RNF213: variants seen among roughly 807,000 people sequenced by gnomAD.
RNF213 encodes the protein E3 ubiquitin-protein ligase RNF213.
RNF213 carries 341 observed loss-of-function variants against 514.4 expected under a neutral mutation model. The observed-to-expected ratio is 0.66, with a 90% CI of 0.61 to 0.73. The LOEUF (loss-of-function observed/expected upper bound fraction) is 0.73. Among genes scored for constraint, RNF213 ranks in the 30% least tolerant of loss-of-function variants. The pLI, the probability that RNF213 is intolerant of heterozygous loss-of-function variation, is 0.00. For missense variants in RNF213, 5,767 were observed against 6,615.6 expected, an observed-to-expected ratio of 0.87 and a Z score of 4.45; for synonymous variants, 2,655 against 2,658.2, an observed-to-expected ratio of 1.00 and a Z score of 0.04.
intron 38 of RNF213, among the ~76,000 whole-genome samples, chr17:80,361,018 C>G (rs2079036159): frequency 6.6e-6 from 1 of 152,116 alleles, no homozygotes; most frequent in Non-Finnish European, 1.5e-5. Flanking sequence ...GGCTTGCATG[C>G]TCTGTGACCC....
intron 3 of RNF213, among the ~76,000 whole-genome samples, chr17:80,277,573 G>T (rs968001114): frequency 1.4e-5 from 2 of 144,952 alleles, no homozygotes; most frequent in Non-Finnish European, 3.0e-5. Context: ...ACTCCAGCCT[G>T]GGCGACAGTG....
At chr17:80,309,917 G>A (rs151239822) in intron 14 of RNF213, among the ~76,000 whole-genome samples, 138 of 151,852 alleles carry the variant, frequency 9.1e-4, no homozygotes, top group African/African-American at 3.2e-3. Context: ...CACCACGCCT[G>A]GCTAATTTTT....
In RNF213 at chr17:80,372,501, T is replaced by C; in HGVS notation, c.12538-20T>C. 1 of 1,584,748 alleles carries C rather than the reference T, an allele frequency of 6.3e-7. No individual in the cohort carries two copies. Among genetic ancestry groups the C allele is most frequent in the Non-Finnish European group, 8.7e-7 (1 of 1,155,590 alleles). ...TTTAAAAAAATAATATCCTTTTCTT[T>C]CTTGTTCCTTGTTCCTCAGGATTCA... On this transcript the variant is annotated intron_variant, in intron 47 of 67. Coordinates refer to ENST00000582970, the MANE Select transcript of RNF213 (RefSeq NM_001256071.3).
intron 46 of RNF213, among the ~76,000 whole-genome samples, chr17:80,370,685 G>A (rs771213224): frequency 2.2e-4 from 34 of 152,178 alleles, no homozygotes; most frequent in Admixed American, 5.2e-4. Context: ...ACTACACACC[G>A]GAGTAGACAG....
intron 10 of RNF213, 99 bp from the exon 11 acceptor site, chr17:80,298,222 C>T: frequency 8.0e-7 from 1 of 1,251,972 alleles, no homozygotes; most frequent in Admixed American, 1.9e-5. Context: ...TCCTCTTGCT[C>T]TGTGTGCACG....
chr17:80,353,435 G>C lies in RNF213; in HGVS notation c.10424-77G>C. On this transcript the variant is annotated intron_variant, in intron 33 of 67. Coordinates refer to ENST00000582970, the MANE Select transcript of RNF213 (RefSeq NM_001256071.3). The surrounding 1 kb of genome is among the most constrained non-coding windows in gnomAD (Gnocchi z 5.0). ...CCTGCACTCGGAGGCTGAGCACACA[G>C]ACTCCCAGATGGCACCGCTGCCAGT... 2 of 1,504,806 alleles carry C rather than the reference G, an allele frequency of 1.3e-6. No individual in the cohort carries two copies. Among genetic ancestry groups the C allele is most frequent in the Non-Finnish European group, 1.8e-6 (2 of 1,104,268 alleles). The allele number at this position is 1,504,806 out of a possible 1,614,324, so 93.2% of individuals were successfully genotyped here.
chr17:80,338,397 A>G (rs1354311655), intron 25 of RNF213, among the ~76,000 whole-genome samples: 1 of 152,200 alleles, frequency 6.6e-6, no homozygotes, highest in African/African-American at 2.4e-5. Context: ...AACAGAAGTA[A>G]TCATATTGAG....
intron 67 of RNF213, 115 bp from the exon 68 acceptor site, chr17:80,393,230 C>G (rs2080555031): frequency 5.7e-6 from 6 of 1,057,134 alleles, no homozygotes; most frequent in Non-Finnish European, 7.2e-6. Flanking sequence ...ACCCACCCAC[C>G]TCAGCCTCCC....
chr17:80,367,914 T>C, intron 43 of RNF213, 47 bp from the exon 44 acceptor site: 3 of 1,613,944 alleles, frequency 1.9e-6, no homozygotes, highest in Non-Finnish European at 2.5e-6. Flanking sequence ...TCACTTCTTC[T>C]GGCCAGTTTC....
chr17:80,357,399 C>T (rs961072657), intron 36 of RNF213, among the ~76,000 whole-genome samples: 51 of 152,174 alleles, frequency 3.4e-4, no homozygotes, highest in Non-Finnish European at 2.8e-4. Flanking sequence ...ATCTGTCCGT[C>T]CGCCCATCTA....
intron 56 of RNF213, 114 bp downstream of exon 56, chr17:80,381,101 T>C (rs544599369): frequency 9.1e-7 from 1 of 1,098,268 alleles, no homozygotes; most frequent in African/African-American, 1.5e-5. Flanking sequence ...TGGAGATAAT[T>C]AGTCTACAAA....
rs1291934547 is a variant in RNF213 at position 80,393,539 on chromosome 17, G to T, written c.*41G>T. On this transcript the variant is annotated 3_prime_UTR_variant, in exon 68 of 68. Transcript: ENST00000582970. ...TATCTTTGGATGACTTTGGAGAGAA[G>T]ACTCCTCTCTCCTCGTCTGCGGCGT... The T allele has an allele frequency of 1.2e-6, 2 of 1,606,306 alleles. No individual in the cohort carries two copies. Among genetic ancestry groups the T allele is most frequent in the Non-Finnish European group, 1.7e-6 (2 of 1,174,412 alleles).
intron 39 of RNF213, among the ~76,000 whole-genome samples, chr17:80,362,126 A>C (rs1325943216): frequency 6.6e-6 from 1 of 152,250 alleles, no homozygotes; most frequent in Non-Finnish European, 1.5e-5. Context: ...TTCTGTGAAC[A>C]TGAGAAGACC....
rs1381629460 is a variant in RNF213, at chr17:80,367,731, T to C, written c.11872-17T>C. ...CCCTCCCCCCTGCTAATGACTCCTG[T>C]CCCTGCCTTTCTTCAGTGTCTTCGA... is the stretch of plus-strand genomic sequence containing the variant. On this transcript the variant is annotated splice_polypyrimidine_tract_variant and intron_variant, in intron 42 of 67. Transcript: ENST00000582970. 6.2e-6 allele frequency: 10 copies of C among 1,610,902 alleles called. No homozygotes were observed. Among genetic ancestry groups the C allele is most frequent in the Non-Finnish European group, 8.5e-6 (10 of 1,177,352 alleles).
intron 12 of RNF213, among the ~76,000 whole-genome samples, chr17:80,306,877 C>T (rs1335275166): frequency 6.6e-6 from 1 of 151,390 alleles, no homozygotes; most frequent in Non-Finnish European, 1.5e-5. Flanking sequence ...AAGAAGGCGT[C>T]TCATGTGATG....
At position 80,288,683 on chromosome 17, in the gene RNF213, G is replaced by A. The variant is rs2044565838; in HGVS notation, c.861G>A (p.Lys287=). 6.8e-6 allele frequency: 11 copies of A among 1,614,224 alleles called. No individual in the cohort carries two copies. The highest frequency in any genetic ancestry group is 9.3e-6 in the Non-Finnish European group (11 of 1,180,040). The change falls in exon 5 of 68, where the codon AAG becomes AAA. Residue 287 remains lysine, a synonymous_variant. Transcript: ENST00000582970. This position sits in a 1 kb window ranked among gnomAD's most constrained non-coding sequence, Gnocchi z 4.9. The stretch of plus-strand genomic sequence containing the variant: ...CCAATGCAGTTAAAGGGGCCGGGAA[G>A]GAAATGAAAGAGAAGACCCAGAGAA... ...EPANAVKGAG[K]EMKEKTQRMK... is the part of the protein sequence containing the mutation.
At position 80,354,577 on chromosome 17, in the gene RNF213, G is replaced by T; in HGVS notation, c.10862+1G>T. 2 of 1,614,154 alleles carry T rather than the reference G, an allele frequency of 1.2e-6. No individual in the cohort carries two copies. The highest frequency in any genetic ancestry group is 4.5e-5 in the East Asian group (2 of 44,884). Reference sequence around the variant, plus strand: ...CTCTCCAGGAGGCGGGCACATTCAGGTACTGTGACTAAAGGAAGCAAGGAG... The same window carrying T: ...CTCTCCAGGAGGCGGGCACATTCAGTTACTGTGACTAAAGGAAGCAAGGAG... On this transcript the variant is annotated splice_donor_variant, in intron 36 of 67. Transcript: ENST00000582970. LOFTEE classifies it high-confidence loss of function.
At chr17:80,333,862 T>G in intron 21 of RNF213, 1 of 513,520 alleles carries the variant, frequency 1.9e-6, no homozygotes, top group South Asian at 2.4e-5. Context: ...ATCCACTTTA[T>G]TAAAATGCTT....
chr17:80,338,322 C>G (rs1017745805), intron 25 of RNF213, among the ~76,000 whole-genome samples: 1 of 152,198 alleles, frequency 6.6e-6, no homozygotes, highest in East Asian at 1.9e-4. Flanking sequence ...TAGAAAGACA[C>G]TTGAATTGCC....
Sources: allele counts gnomAD v4.1 joint callset (sites outside exome capture counted in the v4.1 genomes callset), GRCh38; gene constraint gnomAD v4.1.1; non-coding constraint Gnocchi (gnomAD v3.1); transcripts MANE v1.5; gene names NCBI Gene and HGNC (gene_info 2026-07-23, HGNC 2026-07-21).